MAP1LC3A: variants seen among roughly 807,000 people sequenced by gnomAD.
The protein encoded by MAP1LC3A is microtubule associated protein 1 light chain 3 alpha.
Under a neutral mutation model 15.2 loss-of-function variants are expected in MAP1LC3A, and 10 were observed. The ratio of observed to expected loss-of-function variants is 0.66; its 90% CI spans 0.41 to 1.12. The LOEUF (loss-of-function observed/expected upper bound fraction) is 1.12, where lower values mean the gene tolerates loss of function less well. MAP1LC3A is among the 50% of genes most tolerant of loss of function. MAP1LC3A has a pLI of 0.00. For synonymous variants in MAP1LC3A, 63 were observed against 64.3 expected (o/e 0.98, Z 0.10); for missense variants, 138 against 167.3 (o/e 0.82, Z 0.97).
chr20:34,558,549 C>T, upstream of MAP1LC3A: 2 of 1,147,664 alleles, frequency 1.7e-6, no homozygotes, highest in Non-Finnish European at 2.1e-6. This position sits in a 1 kb window ranked among gnomAD's most constrained non-coding sequence, Gnocchi z 4.3. Context: ...CTGCCCATGA[C>T]GTCACGGGAC....
chr20:34,556,121 C>T (rs563341589), upstream of MAP1LC3A, among the ~76,000 whole-genome samples: 1 of 152,328 alleles, frequency 6.6e-6, no homozygotes, highest in South Asian at 2.1e-4. Context: ...GGATTACAGG[C>T]GTGAGCCACT....
Position 34,558,770 on chromosome 20 carries a change from G to T in MAP1LC3A, c.-99G>T. 1 of 1,345,436 alleles carries T rather than the reference G, an allele frequency of 7.4e-7. No individual in the cohort carries two copies. The highest frequency in any genetic ancestry group is 9.5e-7 in the Non-Finnish European group (1 of 1,057,270). The allele number at this position is 1,345,436 out of a possible 1,614,324, so 83.3% of individuals were successfully genotyped here. On this transcript the variant is annotated 5_prime_UTR_variant, in exon 1 of 4. Coordinates refer to ENST00000360668, the MANE Select transcript of MAP1LC3A (RefSeq NM_032514.4). The surrounding 1 kb of genome is among the most constrained non-coding windows in gnomAD (Gnocchi z 4.3). ...CGCCGTGCTCAGCGCGAGCCCCGGA[G>T]CCCTTGAGCGCGAGGCGCGGAGCCC...
At chr20:34,558,599 C>T (rs1600572271), upstream of MAP1LC3A, 3 of 1,208,590 alleles carry the variant, frequency 2.5e-6, no homozygotes, top group East Asian at 1.0e-4. This position sits in a 1 kb window ranked among gnomAD's most constrained non-coding sequence, Gnocchi z 4.3. Context: ...CGTCCCGGTC[C>T]GCGGACCCAG....
At chr20:34,559,165 G>A (rs2146680435) in intron 1 of MAP1LC3A, 43 bp from the exon 2 acceptor site, 1 of 1,514,458 alleles carries the variant, frequency 6.6e-7, no homozygotes. Flanking sequence ...GGGCGGACCT[G>A]GGCCGGCCCG....
chr20:34,549,787 G>C, intron 1 of MAP1LC3A: 2 of 546,652 alleles, frequency 3.7e-6, no homozygotes, highest in Non-Finnish European at 6.6e-6. Flanking sequence ...GCACTGGTGG[G>C]CGTGTCTTAG....
chr20:34,548,016 G>C (rs1391726591), intron 1 of MAP1LC3A, among the ~76,000 whole-genome samples: 4 of 152,148 alleles, frequency 2.6e-5, no homozygotes, highest in African/African-American at 4.8e-5. Flanking sequence ...AGGGAGGGGG[G>C]TTCCCGGAGC....
At chr20:34,549,307 C>G (rs559360658) in intron 1 of MAP1LC3A, among the ~76,000 whole-genome samples, 1 of 152,092 alleles carries the variant, frequency 6.6e-6, no homozygotes, top group Non-Finnish European at 1.5e-5. Flanking sequence ...ATTACAGGCA[C>G]GAGCCACCAT....
At chr20:34,558,576 G>A (rs1261565922), upstream of MAP1LC3A, 26 of 1,189,986 alleles carry the variant, frequency 2.2e-5, no homozygotes, top group Non-Finnish European at 2.7e-5. The surrounding 1 kb of genome is among the most constrained non-coding windows in gnomAD (Gnocchi z 4.3). Context: ...GCGCCCAGAA[G>A]CCCCGCCCCT....
At chr20:34,551,467 CTTTTTT>C (rs58191574) in intron 2 of MAP1LC3A, among the ~76,000 whole-genome samples, 12 of 104,812 alleles carry the variant, frequency 1.1e-4, no homozygotes, top group African/African-American at 3.4e-4. Context: ...GAACGCTGTC[CTTTTTT>C]TTTTTTTTTT....
At chr20:34,555,846 CTTTT>C (rs536070432), upstream of MAP1LC3A, among the ~76,000 whole-genome samples, 6 of 130,492 alleles carry the variant, frequency 4.6e-5, no homozygotes, top group African/African-American at 2.8e-5. Flanking sequence ...AGTTTTCTTT[CTTTT>C]TTTTTTTTTT....
At chr20:34,557,473 A>G (rs1313740966), upstream of MAP1LC3A, among the ~76,000 whole-genome samples, 1 of 152,120 alleles carries the variant, frequency 6.6e-6, no homozygotes, top group Non-Finnish European at 1.5e-5. Context: ...CTTGTGTCTC[A>G]TGCATCTTGT....
intron 2 of MAP1LC3A, among the ~76,000 whole-genome samples, chr20:34,552,812 G>A (rs1161907540): frequency 1.3e-5 from 2 of 152,374 alleles, no homozygotes; most frequent in East Asian, 3.9e-4. Context: ...TCTTGAAGGT[G>A]GAACAGACAG....
chr20:34,547,197 C>T (rs1458819699), intron 1 of MAP1LC3A, among the ~76,000 whole-genome samples: 2 of 152,070 alleles, frequency 1.3e-5, no homozygotes. Context: ...CGGCAGGTGG[C>T]CCTTTTGCAG....
intron 2 of MAP1LC3A, among the ~76,000 whole-genome samples, chr20:34,551,115 G>A (rs1189628464): frequency 6.6e-6 from 1 of 151,986 alleles, no homozygotes; most frequent in African/African-American, 2.4e-5. Context: ...AGCCAGGCCT[G>A]GTGGCATGCT....
chr20:34,553,466 C>T (rs549518281), intron 2 of MAP1LC3A, among the ~76,000 whole-genome samples: 8 of 152,174 alleles, frequency 5.3e-5, no homozygotes, highest in Non-Finnish European at 7.4e-5. Flanking sequence ...TCCTCCTCCA[C>T]GTTGGCCTCA....
In MAP1LC3A at chr20:34,549,788, C is replaced by T. The variant is rs144804128; in HGVS notation, c.-73-117C>T. On this transcript the variant is annotated intron_variant, in intron 1 of 4. Coordinates refer to the MAP1LC3A transcript ENST00000374837. ...GGTAAACTGCCATGGCACTGGTGGG[C>T]GTGTCTTAGGGAGAGGTGATTTCAG... is the stretch of plus-strand genomic sequence containing the variant. 3.0e-4 allele frequency: 165 copies of T among 544,674 alleles called. 1 individual carries two copies. In the East Asian group the frequency reaches 4.7e-3, roughly 16 times the overall value. The allele number at this position is 544,674 out of a possible 1,614,324, so 33.7% of individuals were successfully genotyped here.
intron 2 of MAP1LC3A, among the ~76,000 whole-genome samples, chr20:34,551,974 G>T (rs1291956279): frequency 6.6e-6 from 1 of 152,198 alleles, no homozygotes; most frequent in East Asian, 1.9e-4. Flanking sequence ...AGGGAAAATG[G>T]ACAGAGACGT....
Position 34,559,347 on chromosome 20 carries a change from G to T in MAP1LC3A, c.97G>T (p.Val33Leu), listed in dbSNP as rs1398567030. The T allele has an allele frequency of 6.3e-7, 1 of 1,584,584 alleles. No homozygotes were observed. The highest frequency in any genetic ancestry group is 8.6e-7 in the Non-Finnish European group (1 of 1,163,386). The change falls in exon 3 of 4, where the codon GTG becomes TTG. Residue 33 changes from valine to leucine, a missense_variant and splice_region_variant. Coordinates refer to ENST00000360668, the MANE Select transcript of MAP1LC3A (RefSeq NM_032514.4). ...IRDQHPSKIP[V>L]IIERYKGEKQ... ...CCCTGCCCGCCCGCCCTGCTCCCAGGTGATCATCGAGCGCTACAAGGGTGA... is the reference window on the plus strand; with the variant it reads ...CCCTGCCCGCCCGCCCTGCTCCCAGTTGATCATCGAGCGCTACAAGGGTGA...
upstream of MAP1LC3A, chr20:34,558,465 C>A: frequency 9.9e-7 from 1 of 1,008,718 alleles, no homozygotes; most frequent in Non-Finnish European, 1.2e-6. The surrounding 1 kb of genome is among the most constrained non-coding windows in gnomAD (Gnocchi z 4.3). Context: ...GGCCCGCCCG[C>A]TCCATCGGCC....
Sources: allele counts gnomAD v4.1 joint callset (sites outside exome capture counted in the v4.1 genomes callset), GRCh38; gene constraint gnomAD v4.1.1; non-coding constraint Gnocchi (gnomAD v3.1); transcripts MANE v1.5; gene names NCBI Gene and HGNC (gene_info 2026-07-23, HGNC 2026-07-21).